The following AFF3 variants were observed in gnomAD, a reference collection of about 807,000 sequenced individuals.
AFF3 encodes the protein AF4/FMR2 family member 3.
Under a neutral mutation model 129.7 loss-of-function variants are expected in AFF3, and 32 were observed. The ratio of observed to expected loss-of-function variants is 0.25; its 90% CI spans 0.19 to 0.33. AFF3 has a LOEUF of 0.33. Ranked by LOEUF, AFF3 falls within the 10% of genes least tolerant of loss-of-function variation. The pLI, the probability that AFF3 is intolerant of heterozygous loss-of-function variation, is 1.00. For missense variants in AFF3, 1,373 were observed against 1,592.0 expected, an observed-to-expected ratio of 0.86 and a Z score of 2.34; for synonymous variants, 644 against 635.4, an observed-to-expected ratio of 1.01 and a Z score of -0.20.
In AFF3 at chr2:99,591,477, G is replaced by A. The variant is rs115560260; in HGVS notation, c.2466+1718C>T. The stretch of plus-strand genomic sequence containing the variant: ...GCTAGGATTAGAGGCTTGAGCCACC[G>A]TACCCGGTCTGGTACTTTAGAATGA... On this transcript the variant is annotated intron_variant, in intron 15 of 24. Transcript: ENST00000672756. Among the ~76,000 whole-genome samples the A allele has an allele frequency of 6.2e-3, 942 of 152,208 alleles. 7 individuals carry two copies. The highest frequency in any genetic ancestry group is 0.021 in the African/African-American group (887 of 41,516).
At chr2:99,602,027 GA>G (rs1304737126) in intron 13 of AFF3, among the ~76,000 whole-genome samples, 1 of 152,230 alleles carries the variant, frequency 6.6e-6, no homozygotes, top group Non-Finnish European at 1.5e-5. Context: ...TGCAAAGCAT[GA>G]AAATGACTGC....
chr2:99,576,308 G>A (rs551523815), intron 18 of AFF3, among the ~76,000 whole-genome samples: 6 of 151,244 alleles, frequency 4.0e-5, no homozygotes, highest in Non-Finnish European at 7.4e-5. Flanking sequence ...TGGGATTACA[G>A]GTGTGAGCCA....
chr2:99,960,025 C>A (rs533290886), intron 7 of AFF3, among the ~76,000 whole-genome samples: 10 of 152,002 alleles, frequency 6.6e-5, no homozygotes, highest in Non-Finnish European at 1.3e-4. Flanking sequence ...CAGTAACTGG[C>A]ACAGAGTGTG....
intron 4 of AFF3, among the ~76,000 whole-genome samples, chr2:100,061,735 C>A (rs1425465952): frequency 6.6e-6 from 1 of 151,956 alleles, no homozygotes; most frequent in East Asian, 1.9e-4. Flanking sequence ...ATTTTTTATA[C>A]CCCGACCTAC....
intron 12 of AFF3, among the ~76,000 whole-genome samples, chr2:99,669,882 G>A (rs867316211): frequency 1.3e-5 from 2 of 152,108 alleles, no homozygotes; most frequent in African/African-American, 2.4e-5. Context: ...CCTGGGAGGC[G>A]GAGGTTGCAG....
chr2:99,581,029 T>C (rs1677487680), intron 17 of AFF3, among the ~76,000 whole-genome samples: 1 of 152,236 alleles, frequency 6.6e-6, no homozygotes, highest in South Asian at 2.1e-4. Flanking sequence ...TGGTGAATCA[T>C]GCATGTGTGT....
At chr2:99,979,716 C>T (rs1679219572) in intron 7 of AFF3, among the ~76,000 whole-genome samples, 1 of 152,144 alleles carries the variant, frequency 6.6e-6, no homozygotes, top group African/African-American at 2.4e-5. Context: ...CTCCTGGCCT[C>T]AAGCAATTCC....
At chr2:100,021,303 T>G (rs187192377) in intron 4 of AFF3, among the ~76,000 whole-genome samples, 56 of 152,358 alleles carry the variant, frequency 3.7e-4, no homozygotes, top group African/African-American at 1.2e-3. Context: ...CCTGGCACTC[T>G]AATTCCTGGT....
At chr2:100,069,338 C>A (rs770814200) in intron 4 of AFF3, among the ~76,000 whole-genome samples, 6 of 152,142 alleles carry the variant, frequency 3.9e-5, no homozygotes, top group Non-Finnish European at 8.8e-5. Flanking sequence ...AGAGGGGGGT[C>A]CAGGAATGTC....
intron 16 of AFF3, among the ~76,000 whole-genome samples, chr2:99,585,882 C>T (rs560623439): frequency 1.3e-5 from 2 of 152,260 alleles, no homozygotes; most frequent in East Asian, 3.9e-4. Flanking sequence ...GAGTGTGCCA[C>T]CACACCCAGC....
chr2:99,612,220 C>T (rs1681004773), intron 13 of AFF3, among the ~76,000 whole-genome samples: 1 of 152,232 alleles, frequency 6.6e-6, no homozygotes. Flanking sequence ...CAACCACCCA[C>T]TTGGTATTTA....
chr2:100,050,443 G>T (rs143534658), intron 4 of AFF3, among the ~76,000 whole-genome samples: 1 of 152,070 alleles, frequency 6.6e-6, no homozygotes, highest in Non-Finnish European at 1.5e-5. Context: ...AAGACTCCTG[G>T]ATCGAATATT....
chr2:99,647,030 G>A (rs762809383), intron 13 of AFF3, among the ~76,000 whole-genome samples: 10 of 152,180 alleles, frequency 6.6e-5, no homozygotes, highest in Admixed American at 1.3e-4. Flanking sequence ...GGAGAAAAAC[G>A]AATGCTTGTA....
At chr2:99,900,857 C>T (rs751111531) in intron 7 of AFF3, among the ~76,000 whole-genome samples, 31 of 152,142 alleles carry the variant, frequency 2.0e-4, no homozygotes, top group African/African-American at 6.3e-4. Flanking sequence ...TGATGATCTC[C>T]GCAAAATAGG....
intron 7 of AFF3, chr2:100,006,396 T>C (rs1024314818): frequency 4.5e-5 from 21 of 466,672 alleles, no homozygotes; most frequent in Non-Finnish European, 7.3e-5. Context: ...CCCTAACTAA[T>C]ACATACACAC....
Position 99,673,653 on chromosome 2 carries a change from G to A in AFF3, c.1092-1064C>T, listed in dbSNP as rs560643433. On this transcript the variant is annotated intron_variant, in intron 11 of 24. Transcript: ENST00000672756. ...CATACATCAGTGTGAAGCCCGCTGA[G>A]CCCTTGTGCTCAAAGGCCTCATTGA... is the stretch of plus-strand genomic sequence containing the variant. Among the ~76,000 whole-genome samples the A allele has an allele frequency of 1.8e-4, 28 of 152,328 alleles. No homozygotes were observed. In the South Asian group the frequency reaches 5.6e-3, roughly 30 times the overall value.
chr2:100,113,728 C>T lies in AFF3; in HGVS notation c.-144-8145G>A, dbSNP rs1327534761. On this transcript the variant is annotated intron_variant, in intron 2 of 24. Transcript: ENST00000672756. Reference sequence around the variant, plus strand: ...GCCCCTAACATTGGGTTGGGTCTAACGGAATGAAAGTCAAAGTGAGAGTGA... The same window carrying T: ...GCCCCTAACATTGGGTTGGGTCTAATGGAATGAAAGTCAAAGTGAGAGTGA... Among the ~76,000 whole-genome samples, 3 of 152,222 alleles carry T rather than the reference C, an allele frequency of 2.0e-5. No homozygotes were observed. In the East Asian group the frequency reaches 5.8e-4, roughly 29 times the overall value.
intron 7 of AFF3, among the ~76,000 whole-genome samples, chr2:99,909,840 T>C (rs950797217): frequency 1.3e-5 from 2 of 151,996 alleles, no homozygotes; most frequent in Non-Finnish European, 2.9e-5. Context: ...ATGTGCTGAG[T>C]TTTTTCCCTA....
At chr2:99,783,526 G>A (rs1343413709) in intron 8 of AFF3, among the ~76,000 whole-genome samples, 1 of 152,210 alleles carries the variant, frequency 6.6e-6, no homozygotes, top group Non-Finnish European at 1.5e-5. Context: ...AGGAATACAC[G>A]GCACAGGAGG....
Sources: gnomAD v4.1 joint callset for allele counts (sites outside exome capture counted in the v4.1 genomes callset) on GRCh38, gnomAD v4.1.1 for gene constraint, MANE v1.5 for transcripts, NCBI Gene and HGNC (gene_info 2026-07-23, HGNC 2026-07-21) for gene names.